The following CAMSAP1 variants were observed in gnomAD, a reference collection of about 807,000 sequenced individuals.
CAMSAP1 encodes the protein calmodulin-regulated spectrin-associated protein 1.
CAMSAP1 carries 58 observed loss-of-function variants against 143.5 expected under a neutral mutation model. That is an observed-to-expected ratio of 0.40 (90% CI 0.33 to 0.50). CAMSAP1 has a LOEUF of 0.50. CAMSAP1 is among the 20% of genes least tolerant of loss of function. CAMSAP1 has a pLI of 0.45. For synonymous variants in CAMSAP1, 945 were observed against 859.3 expected, an observed-to-expected ratio of 1.10 and a Z score of -1.74; for missense variants, 1,969 against 2,115.7, an observed-to-expected ratio of 0.93 and a Z score of 1.36.
chr9:135,899,035 C>T (rs1838537907), intron 1 of CAMSAP1, among the ~76,000 whole-genome samples: 1 of 152,180 alleles, frequency 6.6e-6, no homozygotes, highest in African/African-American at 2.4e-5. Context: ...ATCTACACAA[C>T]ATGAATTTCA....
chr9:135,873,878 A>G (rs1291373948), intron 3 of CAMSAP1, among the ~76,000 whole-genome samples: 1 of 152,160 alleles, frequency 6.6e-6, no homozygotes, highest in Non-Finnish European at 1.5e-5. Flanking sequence ...TTTTAGCCCA[A>G]CATTACCCCA....
Position 135,859,582 on chromosome 9 carries a change from C to T in CAMSAP1, c.808+2885G>A, listed in dbSNP as rs576133847. ...TAATTTCTTGTGTTTTTAGTAGAGACGGGGTTTCACCATGTTAGCCAGGAT... is the reference window on the plus strand; with the variant it reads ...TAATTTCTTGTGTTTTTAGTAGAGATGGGGTTTCACCATGTTAGCCAGGAT... On this transcript the variant is annotated intron_variant, in intron 5 of 16. Coordinates refer to ENST00000389532, the MANE Select transcript of CAMSAP1 (RefSeq NM_015447.4). Among the ~76,000 whole-genome samples, 12 of 152,100 alleles carry T rather than the reference C, an allele frequency of 7.9e-5. No homozygotes were observed. The East Asian group carries it at 1.8e-3, about 22-fold the overall frequency.
chr9:135,879,680 C>T (rs1837872090), intron 3 of CAMSAP1, among the ~76,000 whole-genome samples: 1 of 151,646 alleles, frequency 6.6e-6, no homozygotes. Flanking sequence ...AAAAAACAAG[C>T]AAACAAAAAA....
At chr9:135,829,357 T>TA (rs1835777723) in intron 7 of CAMSAP1, among the ~76,000 whole-genome samples, 1 of 148,502 alleles carries the variant, frequency 6.7e-6, no homozygotes, top group Non-Finnish European at 1.5e-5. Flanking sequence ...AAAAAAAAAT[T>TA]AAAGTAGCTA....
chr9:135,843,249 C>A (rs371305686), intron 7 of CAMSAP1, among the ~76,000 whole-genome samples: 1 of 152,120 alleles, frequency 6.6e-6, no homozygotes, highest in Non-Finnish European at 1.5e-5. Context: ...ATCGCTTGAA[C>A]CCGGGAGGCA....
In CAMSAP1 at chr9:135,827,577, T is replaced by C; in HGVS notation, c.1053A>G (p.Thr351=). 6.4e-7 allele frequency: 1 copy of C among 1,565,632 alleles called. No individual in the cohort carries two copies. The highest frequency in any genetic ancestry group is 8.7e-7 in the Non-Finnish European group (1 of 1,147,930). ...GCCGGCTGCTCTTCTGGTGTAACACTGTTTTCGCTGCAGAAATAGCGTTTT... is the reference window on the plus strand; with the variant it reads ...GCCGGCTGCTCTTCTGGTGTAACACCGTTTTCGCTGCAGAAATAGCGTTTT... The part of the protein sequence containing the change: ...RDVQELKDAK[T]VLHQKSSRPP... The change falls in exon 8 of 17, where the codon ACA becomes ACG. Residue 351 remains threonine (T), a synonymous_variant. Transcript: ENST00000389532.
At position 135,810,426 on chromosome 9, in the gene CAMSAP1, T is replaced by C. The variant is rs1206538734; in HGVS notation, c.*883A>G. On this transcript the variant is annotated 3_prime_UTR_variant, in exon 17 of 17. Transcript: ENST00000389532. ...AACATGCTCAGAATGAAAAATATTC[T>C]ACTTTACCAAAATCTGTCTTTATTA... The C allele has an allele frequency of 6.6e-6, 1 of 152,376 alleles. No individual in the cohort carries two copies. Among genetic ancestry groups the C allele is most frequent in the Non-Finnish European group, 1.5e-5 (1 of 68,032 alleles). The allele number at this position is 152,376 out of a possible 1,614,324, so 9.4% of individuals were successfully genotyped here.
In CAMSAP1 at chr9:135,865,120, A is replaced by G. The variant is rs1837329463; in HGVS notation, c.666+1336T>C. On this transcript the variant is annotated intron_variant, in intron 4 of 16. Coordinates refer to ENST00000389532, the MANE Select transcript of CAMSAP1 (RefSeq NM_015447.4). ...AAGAAGTAACTAGGAAACTGGGCGA[A>G]ATGTAACTTAAGAGTTCCAAAGTGC... 1.1e-5 allele frequency: 6 copies of G among 565,832 alleles called. No homozygotes were observed. In the East Asian group the frequency reaches 1.8e-4, roughly 17 times the overall value. The allele number at this position is 565,832 out of a possible 1,614,324, so 35.1% of individuals were successfully genotyped here.
chr9:135,865,284 G>C, intron 4 of CAMSAP1: 1 of 1,542,914 alleles, frequency 6.5e-7, no homozygotes, highest in Non-Finnish European at 8.8e-7. Context: ...AAGTGATCGC[G>C]ACAGGATGGC....
intron 1 of CAMSAP1, among the ~76,000 whole-genome samples, chr9:135,895,083 AAAG>A (rs992841717): frequency 1.8e-4 from 27 of 152,230 alleles, no homozygotes; most frequent in Non-Finnish European, 3.2e-4. Context: ...GCAATGGAGA[AAAG>A]AAGAACAGAG....
chr9:135,867,445 C>T (rs1057117660), intron 3 of CAMSAP1, among the ~76,000 whole-genome samples: 5 of 150,620 alleles, frequency 3.3e-5, no homozygotes, highest in East Asian at 1.9e-4. Flanking sequence ...AAAAACCGCA[C>T]GCCAGCCTAG....
At position 135,820,786 on chromosome 9, in the gene CAMSAP1, G is replaced by A. The variant is rs1257935210; in HGVS notation, c.3822+53C>T. The stretch of plus-strand genomic sequence containing the variant: ...TCTGTGTTCTCTAACTCACTATCAC[G>A]TGGGGTGGCAACACATCACGAGTGC... On this transcript the variant is annotated intron_variant, in intron 11 of 16. Transcript: ENST00000389532. The surrounding 1 kb of genome is among the most constrained non-coding windows in gnomAD (Gnocchi z 4.4). 7 of 1,585,112 alleles carry A rather than the reference G, an allele frequency of 4.4e-6. No individual in the cohort carries two copies. Among genetic ancestry groups the A allele is most frequent in the African/African-American group, 4.0e-5 (3 of 74,368 alleles).
At position 135,824,070 on chromosome 9, in the gene CAMSAP1, C is replaced by T. The variant is rs757595317; in HGVS notation, c.1316-36G>A. The stretch of plus-strand genomic sequence containing the variant: ...GAGGAATTAGATAGTGTTAAGTAAC[C>T]AATTTTCTATCACTTGAAATTCTTT... On this transcript the variant is annotated intron_variant, in intron 9 of 16. Coordinates refer to ENST00000389532, the MANE Select transcript of CAMSAP1 (RefSeq NM_015447.4). This position sits in a 1 kb window ranked among gnomAD's most constrained non-coding sequence, Gnocchi z 4.1. 29 of 1,515,178 alleles carry T rather than the reference C, an allele frequency of 1.9e-5. No individual in the cohort carries two copies. Among genetic ancestry groups the T allele is most frequent in the Non-Finnish European group, 2.5e-5 (28 of 1,112,610 alleles). The allele number at this position is 1,515,178 out of a possible 1,614,324, so 93.9% of individuals were successfully genotyped here.
In CAMSAP1 at chr9:135,818,357, C is replaced by CCGCCGCCCGCGGAAGGAAG; in HGVS notation, c.4168+32_4168+50dup. ...TTGAAATGAGCTGAAGAACGTGAGGCCGCCGCCCGCGGAAGGAAGCGCTGC... is the reference window on the plus strand; with the variant it reads ...TTGAAATGAGCTGAAGAACGTGAGGCCGCCGCCCGCGGAAGGAAGCGCCGCCCGCGGAAGGAAGCGCTGC... On this transcript the variant is annotated intron_variant, in intron 13 of 16. Transcript: ENST00000389532. The surrounding 1 kb of genome is among the most constrained non-coding windows in gnomAD (Gnocchi z 7.7). 1.3e-6 allele frequency: 2 copies of CCGCCGCCCGCGGAAGGAAG among 1,503,788 alleles called. No individual in the cohort carries two copies. Among genetic ancestry groups the CCGCCGCCCGCGGAAGGAAG allele is most frequent in the Non-Finnish European group, 1.8e-6 (2 of 1,124,570 alleles). The allele number at this position is 1,503,788 out of a possible 1,614,324, so 93.2% of individuals were successfully genotyped here.
At chr9:135,842,342 G>A (rs374618690) in intron 7 of CAMSAP1, among the ~76,000 whole-genome samples, 83 of 152,246 alleles carry the variant, frequency 5.5e-4, no homozygotes, top group Middle Eastern at 3.4e-3. Flanking sequence ...AAGAAATATG[G>A]GACTATGTGA....
At chr9:135,851,168 G>A (rs1012433341) in intron 5 of CAMSAP1, among the ~76,000 whole-genome samples, 15 of 152,208 alleles carry the variant, frequency 9.9e-5, no homozygotes, top group East Asian at 3.8e-4. Flanking sequence ...AGAGCCCTGC[G>A]GAGAGCACGG....
In CAMSAP1 at chr9:135,897,783, C is replaced by G. The variant is rs578257975; in HGVS notation, c.160+9217G>C. ...TGGCGTAAGACTTCATCATGCTACT[C>G]AGAACAGCATGCGATTTAAAACTTA... On this transcript the variant is annotated intron_variant, in intron 1 of 16. Coordinates refer to ENST00000389532, the MANE Select transcript of CAMSAP1 (RefSeq NM_015447.4). Among the ~76,000 whole-genome samples, 93 of 152,136 alleles carry G rather than the reference C, an allele frequency of 6.1e-4. 1 individual carries two copies. The highest frequency in any genetic ancestry group is 1.1e-3 in the Non-Finnish European group (73 of 68,016).
chr9:135,863,279 T>C (rs1044796747), intron 4 of CAMSAP1, among the ~76,000 whole-genome samples: 9 of 152,118 alleles, frequency 5.9e-5, no homozygotes, highest in South Asian at 2.1e-4. Flanking sequence ...CTGCACTCCA[T>C]CAAACCCTCA....
chr9:135,848,147 C>T (rs1034561969), intron 7 of CAMSAP1, among the ~76,000 whole-genome samples: 2 of 151,830 alleles, frequency 1.3e-5, no homozygotes, highest in African/African-American at 4.8e-5. Flanking sequence ...AAGCAAGTTT[C>T]ACAGCACTAC....
Sources: allele counts gnomAD v4.1 joint callset (sites outside exome capture counted in the v4.1 genomes callset), GRCh38; gene constraint gnomAD v4.1.1; non-coding constraint Gnocchi (gnomAD v3.1); transcripts MANE v1.5; gene names NCBI Gene and HGNC (gene_info 2026-07-23, HGNC 2026-07-21).